Variants in ALPK2 observed in about 807,000 individuals in gnomAD.
The protein encoded by ALPK2 is alpha kinase 2.
In ALPK2, 127 loss-of-function variants were observed where a neutral mutation model predicts 163.1. That is an observed-to-expected ratio of 0.78 (90% CI 0.67 to 0.90). The LOEUF (loss-of-function observed/expected upper bound fraction) is 0.90. Among genes scored for constraint, ALPK2 ranks in the 40% least tolerant of loss-of-function variants. ALPK2 has a pLI of 0.00. For missense variants in ALPK2, 2,360 were observed against 2,589.6 expected, an observed-to-expected ratio of 0.91 and a Z score of 1.92; for synonymous variants, 953 against 959.1, an observed-to-expected ratio of 0.99 and a Z score of 0.12.
intron 12 of ALPK2, among the ~76,000 whole-genome samples, chr18:58,483,746 G>A (rs1461231945): frequency 7.6e-6 from 1 of 131,244 alleles, no homozygotes; most frequent in East Asian, 2.0e-4. Context: ...TTTTTTTTAA[G>A]TAGAGACAGG....
intron 3 of ALPK2, among the ~76,000 whole-genome samples, chr18:58,590,449 T>A (rs2052009367): frequency 6.6e-6 from 1 of 152,134 alleles, no homozygotes; most frequent in Non-Finnish European, 1.5e-5. Flanking sequence ...GTTTTGAGCC[T>A]TCCCTCCCAT....
chr18:58,593,395 C>A lies in ALPK2; in HGVS notation c.228-12847G>T, dbSNP rs368789911. Among the ~76,000 whole-genome samples the A allele has an allele frequency of 1.7e-4, 26 of 150,712 alleles. No homozygotes were observed. The East Asian group carries it at 4.9e-3, about 28-fold the overall frequency. ...CCTGGCCAACATGGTGAAACCCCATCTCTACTAAAAATACAAAAATTAGCA... is the reference window on the plus strand; with the variant it reads ...CCTGGCCAACATGGTGAAACCCCATATCTACTAAAAATACAAAAATTAGCA... On this transcript the variant is annotated intron_variant, in intron 3 of 12. Transcript: ENST00000361673.
rs768830207 is a variant in ALPK2 at position 58,517,162 on chromosome 18, T to G, written c.5686A>C (p.Ser1896Arg). The change falls in exon 9 of 13, where the codon AGC becomes CGC. Residue 1896 changes from serine to arginine, a missense_variant. By Grantham distance (110) the Ser-to-Arg change is moderately radical. Coordinates refer to ENST00000361673, the MANE Select transcript of ALPK2 (RefSeq NM_052947.4). The part of the protein sequence containing the change: ...DTKGCEEIEF[S>R]QLIFKEDFLH... ...AAGTCTTCTTTGAAGATGAGTTGGC[T>G]GAATTCAATCTCTTCACATCCTGAA... is the stretch of plus-strand genomic sequence containing the variant. 4.3e-6 allele frequency: 7 copies of G among 1,613,938 alleles called. No homozygotes were observed. In the African/African-American group the frequency reaches 9.3e-5, roughly 22 times the overall value.
intron 8 of ALPK2, among the ~76,000 whole-genome samples, chr18:58,518,798 T>A (rs2051535175): frequency 6.6e-6 from 1 of 152,174 alleles, no homozygotes; most frequent in African/African-American, 2.4e-5. Flanking sequence ...GCTACTGCCC[T>A]TACCTACTCA....
At chr18:58,560,082 A>T (rs1294936005) in intron 4 of ALPK2, among the ~76,000 whole-genome samples, 1 of 152,134 alleles carries the variant, frequency 6.6e-6, no homozygotes, top group Non-Finnish European at 1.5e-5. Context: ...CCCAAATCTC[A>T]TCTTGAATTG....
intron 6 of ALPK2, among the ~76,000 whole-genome samples, chr18:58,525,215 G>A (rs1321060873): frequency 6.6e-6 from 1 of 152,146 alleles, no homozygotes; most frequent in African/African-American, 2.4e-5. Context: ...TTCCTTCCCT[G>A]GAATATACCA....
rs775566451 is a variant in ALPK2 at position 58,515,037 on chromosome 18, G to A, written c.5985C>T (p.Tyr1995=). The A allele has an allele frequency of 2.5e-5, 40 of 1,612,762 alleles. No homozygotes were observed. The highest frequency in any genetic ancestry group is 1.6e-4 in the Middle Eastern group (1 of 6,076). ...CTTCCAGAGGCTGTGCTTCAGCAGC[G>A]TAGATCTTGGCATAATACCTGGCAG... is the stretch of plus-strand genomic sequence containing the variant. The part of the protein sequence containing the change: ...QNTARYYAKI[Y]AAEAQPLEGF... Residue 1995 remains tyrosine (Y), a synonymous_variant, in exon 10 of 13, where the codon TAC becomes TAT. Coordinates refer to ENST00000361673, the MANE Select transcript of ALPK2 (RefSeq NM_052947.4).
intron 12 of ALPK2, among the ~76,000 whole-genome samples, chr18:58,492,201 TA>T (rs1401807397): frequency 6.6e-6 from 1 of 151,600 alleles, no homozygotes; most frequent in Non-Finnish European, 1.5e-5. Flanking sequence ...CAGACACAGA[TA>T]TACACACAGA....
intron 12 of ALPK2, among the ~76,000 whole-genome samples, chr18:58,495,162 C>T (rs978366792): frequency 6.6e-6 from 1 of 152,136 alleles, no homozygotes; most frequent in African/African-American, 2.4e-5. Flanking sequence ...ACCTCTTATG[C>T]TCTGTTTGGA....
rs1483087448 is a variant in ALPK2 at position 58,536,483 on chromosome 18, T to A, written c.3704A>T (p.Lys1235Met). 14 of 1,613,916 alleles carry A rather than the reference T, an allele frequency of 8.7e-6. No homozygotes were observed. Among genetic ancestry groups the A allele is most frequent in the Non-Finnish European group, 1.2e-5 (14 of 1,180,032 alleles). ...AGCCTCTAGAGTTATAATCTTCAGC[T>A]TGTTGCCTGCCTCCCAATTTCCAGG... ...YRPGNWEAGN[K>M]LKIITLEASA... The change falls in exon 5 of 13, where the codon AAG becomes ATG. Residue 1235 changes from lysine to methionine, a missense_variant. Lys to Met is a moderately conservative substitution (Grantham distance 95, BLOSUM62 -1). Coordinates refer to ENST00000361673, the MANE Select transcript of ALPK2 (RefSeq NM_052947.4).
At chr18:58,617,439 G>A (rs994646114) in intron 1 of ALPK2, among the ~76,000 whole-genome samples, 13 of 151,940 alleles carry the variant, frequency 8.6e-5, no homozygotes, top group African/African-American at 2.9e-4. Flanking sequence ...TGCCCACCTC[G>A]GCCTCCCAAA....
intron 12 of ALPK2, among the ~76,000 whole-genome samples, chr18:58,488,106 G>T (rs1301742808): frequency 1.0e-5 from 1 of 98,242 alleles, no homozygotes; most frequent in African/African-American, 3.9e-5. Context: ...CTACTCAAAA[G>T]TGGTGATCTA....
intron 1 of ALPK2, among the ~76,000 whole-genome samples, chr18:58,617,019 G>A (rs921472341): frequency 2.0e-4 from 30 of 152,274 alleles, no homozygotes; most frequent in African/African-American, 7.2e-4. Flanking sequence ...ACCAGTGTCT[G>A]CAGCTTGGCG....
chr18:58,494,415 T>G (rs2051391256), intron 12 of ALPK2, among the ~76,000 whole-genome samples: 1 of 152,150 alleles, frequency 6.6e-6, no homozygotes, highest in South Asian at 2.1e-4. Context: ...AATGAGTAAG[T>G]CATGACAATT....
intron 3 of ALPK2, among the ~76,000 whole-genome samples, chr18:58,594,860 C>T (rs1046105501): frequency 6.6e-6 from 1 of 152,204 alleles, no homozygotes; most frequent in Admixed American, 6.5e-5. Flanking sequence ...GAGGCACCAC[C>T]GTCTCATCTG....
intron 4 of ALPK2, among the ~76,000 whole-genome samples, chr18:58,560,516 G>A (rs1342437637): frequency 3.9e-5 from 6 of 152,158 alleles, no homozygotes; most frequent in Admixed American, 2.0e-4. Flanking sequence ...TTCTCTGACC[G>A]ATGCTCCTGT....
intron 12 of ALPK2, among the ~76,000 whole-genome samples, chr18:58,486,629 T>C (rs7238762): frequency 0.51 from 77,559 of 152,036 alleles, 21,201 homozygotes; most frequent in East Asian, 0.83. Context: ...ACTTGGCCTG[T>C]CAGACAGTGT....
At chr18:58,620,977 G>A (rs963128991) in intron 1 of ALPK2, among the ~76,000 whole-genome samples, 4 of 152,036 alleles carry the variant, frequency 2.6e-5, no homozygotes, top group African/African-American at 9.7e-5. Flanking sequence ...GCAACATGCT[G>A]AAACCCCATC....
At chr18:58,575,640 A>T (rs1234508339) in intron 4 of ALPK2, among the ~76,000 whole-genome samples, 1 of 152,194 alleles carries the variant, frequency 6.6e-6, no homozygotes, top group Non-Finnish European at 1.5e-5. Context: ...CTTGCCTCTG[A>T]GTTGGATGAG....
Sources: allele counts gnomAD v4.1 joint callset (sites outside exome capture counted in the v4.1 genomes callset), GRCh38; gene constraint gnomAD v4.1.1; transcripts MANE v1.5; gene names NCBI Gene and HGNC (gene_info 2026-07-23, HGNC 2026-07-21).